Variants in CEP135 observed in about 807,000 individuals in gnomAD.
CEP135 encodes centrosomal protein 135.
CEP135 carries 142 observed loss-of-function variants against 157.3 expected under a neutral mutation model. That is an observed-to-expected ratio of 0.90 (90% CI 0.79 to 1.04). The LOEUF (loss-of-function observed/expected upper bound fraction) is 1.04, where lower values mean the gene tolerates loss of function less well. Among genes scored for constraint, CEP135 ranks in the 50% least tolerant of loss-of-function variants. The probability of loss-of-function intolerance (pLI) is 0.00; values close to 1 mark genes in which losing one functional copy is unlikely to be tolerated. For synonymous variants in CEP135, 396 were observed against 439.8 expected (o/e 0.90, Z 1.25); for missense variants, 1,317 against 1,309.2 (o/e 1.01, Z -0.09).
chr4:55,983,149 T>C (rs566833850), intron 13 of CEP135, among the ~76,000 whole-genome samples: 219 of 152,314 alleles, frequency 1.4e-3, no homozygotes, highest in Non-Finnish European at 2.6e-3. Context: ...CTTATAAAAA[T>C]AAGTGTTAAA....
chr4:55,950,464 G>A (rs1728329794), intron 1 of CEP135, among the ~76,000 whole-genome samples: 4 of 152,224 alleles, frequency 2.6e-5, no homozygotes, highest in African/African-American at 4.8e-5. Flanking sequence ...AGTTAGCAAA[G>A]GTTAGAAAAG....
chr4:55,952,536 CT>C lies in CEP135; in HGVS notation c.113+302del, dbSNP rs75650503. The C allele has an allele frequency of 2.2e-3, 500 of 225,298 alleles. 2 individuals carry two copies. The highest frequency in any genetic ancestry group is 6.0e-3 in the African/African-American group (267 of 44,246). The allele number at this position is 225,298 out of a possible 1,614,324, so 14.0% of individuals were successfully genotyped here. A position where few individuals can be genotyped will look rare whatever the true frequency, so the allele number is the denominator to read the frequency against. On this transcript the variant is annotated intron_variant, in intron 2 of 25. Coordinates refer to ENST00000257287, the MANE Select transcript of CEP135 (RefSeq NM_025009.5). ...TTGAGAGACACTTTTCCCTTAAGTTCTTTTTTTTTCCCCCCCTTAAGTTCTA... is the reference window on the plus strand; with the variant it reads ...TTGAGAGACACTTTTCCCTTAAGTTCTTTTTTTTCCCCCCCTTAAGTTCTA...
At chr4:55,971,621 G>A (rs1163589534) in intron 10 of CEP135, among the ~76,000 whole-genome samples, 1 of 151,636 alleles carries the variant, frequency 6.6e-6, no homozygotes, top group African/African-American at 2.4e-5. Context: ...TATACAGGGA[G>A]CCCTGCTTGA....
chr4:56,013,176 G>A (rs893146343), intron 21 of CEP135, among the ~76,000 whole-genome samples: 2 of 152,050 alleles, frequency 1.3e-5, no homozygotes, highest in African/African-American at 2.4e-5. Context: ...GTTTATTGAC[G>A]ATTTGTGTAT....
In CEP135 at chr4:55,950,930, G is replaced by T. The variant is rs190861638; in HGVS notation, c.-45-1156G>T. On this transcript the variant is annotated intron_variant, in intron 1 of 25. Transcript: ENST00000257287. ...CTTAACTCTTAACGGGCAATCTGCA[G>T]CCCGCCTCACCTCCCCAGACAACTC... 6.4e-4 allele frequency among the ~76,000 whole-genome samples: 98 copies of T among 152,268 alleles called. 2 individuals are homozygous for T. The highest frequency in any genetic ancestry group is 2.3e-3 in the African/African-American group (96 of 41,552).
chr4:55,966,253 T>G lies in CEP135; in HGVS notation c.1044+394T>G, dbSNP rs190192956. ...TGTCTCCCAGGCTGGAGTGCAATGG[T>G]GTGATCTCGGCTCACTGCAACCCCC... is the stretch of plus-strand genomic sequence containing the variant. On this transcript the variant is annotated intron_variant, in intron 8 of 25. Transcript: ENST00000257287. 494 of 174,772 alleles carry G rather than the reference T, an allele frequency of 2.8e-3. 1 individual carries two copies. Among genetic ancestry groups the G allele is most frequent in the African/African-American group, 0.012 (481 of 41,202 alleles). 10.8% of individuals were successfully genotyped at this position (174,772 alleles called of 1,614,324 possible).
intron 17 of CEP135, among the ~76,000 whole-genome samples, chr4:56,001,686 A>C (rs1443298734): frequency 6.6e-6 from 1 of 151,920 alleles, no homozygotes; most frequent in Non-Finnish European, 1.5e-5. Flanking sequence ...AGTTAGTGCG[A>C]TCTCCAGCTT....
Position 56,024,615 on chromosome 4 carries a change from G to A in CEP135, c.*11+1G>A. ...ATAGAAATGTGTAATTATCAGAAAGGTATGTATGTAACACCAAGGACAGGC... is the reference window on the plus strand; with the variant it reads ...ATAGAAATGTGTAATTATCAGAAAGATATGTATGTAACACCAAGGACAGGC... On this transcript the variant is annotated splice_donor_variant, in intron 25 of 25. Transcript: ENST00000257287. LOFTEE classifies it low-confidence loss of function (3UTR_SPLICE). 1 of 1,574,062 alleles carries A rather than the reference G, an allele frequency of 6.4e-7. No homozygotes were observed. The highest frequency in any genetic ancestry group is 1.1e-5 in the South Asian group (1 of 90,140).
chr4:55,993,270 A>C (rs1049549335), intron 15 of CEP135, among the ~76,000 whole-genome samples: 1 of 152,234 alleles, frequency 6.6e-6, no homozygotes, highest in African/African-American at 2.4e-5. Context: ...TAGGAATCAC[A>C]AAAGTATATA....
chr4:55,980,045 C>G, intron 11 of CEP135, 98 bp from the exon 12 acceptor site: 1 of 1,016,654 alleles, frequency 9.8e-7, no homozygotes, highest in South Asian at 1.4e-5. Context: ...CACTTGTGTT[C>G]TTTTTGTCTG....
chr4:55,980,134 A>G lies in CEP135; in HGVS notation c.1474-9A>G. On this transcript the variant is annotated splice_polypyrimidine_tract_variant and intron_variant, in intron 11 of 25. Coordinates refer to ENST00000257287, the MANE Select transcript of CEP135 (RefSeq NM_025009.5). ...GATGATTATATTTTGTTTTTTAATT[A>G]TGTTTCAGGGTGATTACAATTCAGA... 2 of 1,598,916 alleles carry G rather than the reference A, an allele frequency of 1.3e-6. No homozygotes were observed. The highest frequency in any genetic ancestry group is 1.7e-6 in the Non-Finnish European group (2 of 1,172,902).
chr4:56,030,929 GT>G (rs1472944561), intron 25 of CEP135, among the ~76,000 whole-genome samples: 2 of 152,280 alleles, frequency 1.3e-5, no homozygotes, highest in East Asian at 3.9e-4. Flanking sequence ...GATCACTTGA[GT>G]TCAGGAGTCT....
chr4:56,016,158 C>T (rs1016045987), intron 21 of CEP135, among the ~76,000 whole-genome samples: 1 of 152,092 alleles, frequency 6.6e-6, no homozygotes, highest in South Asian at 2.1e-4. Context: ...AGTGAGTGAA[C>T]ACCAAGCACT....
intron 15 of CEP135, among the ~76,000 whole-genome samples, chr4:55,997,416 A>G (rs1730011692): frequency 2.0e-5 from 3 of 152,156 alleles, no homozygotes; most frequent in African/African-American, 4.8e-5. Context: ...ACCCTGCTTT[A>G]TGAAGTTAGA....
At chr4:55,969,448 A>T (rs1261008178) in intron 9 of CEP135, among the ~76,000 whole-genome samples, 1 of 143,100 alleles carries the variant, frequency 7.0e-6, no homozygotes, top group Non-Finnish European at 1.5e-5. Flanking sequence ...AAAAAAAAAA[A>T]GAAAAGAAAA....
Position 55,954,301 on chromosome 4 carries a change from G to T in CEP135, c.390G>T (p.Leu130=). The change falls in exon 4 of 26, where the codon CTG becomes CTT. Residue 130 remains leucine, a synonymous_variant. Transcript: ENST00000257287. The stretch of plus-strand genomic sequence containing the variant: ...ACCAATATGCTCATAAACTCAAACT[G>T]TTGGAGAAAGAGAGCAAAGCTAAGA... The part of the protein sequence containing the change: ...LNNQYAHKLK[L]LEKESKAKNE... 6.2e-7 allele frequency: 1 copy of T among 1,611,862 alleles called. No individual in the cohort carries two copies. Among genetic ancestry groups the T allele is most frequent in the Non-Finnish European group, 8.5e-7 (1 of 1,179,058 alleles).
At chr4:55,978,938 A>G (rs1729310881) in intron 11 of CEP135, among the ~76,000 whole-genome samples, 1 of 152,246 alleles carries the variant, frequency 6.6e-6, no homozygotes, top group African/African-American at 2.4e-5. Context: ...CTGCTTTTGT[A>G]CTATAAAATA....
At chr4:56,004,958 T>G (rs1730304205) in intron 17 of CEP135, among the ~76,000 whole-genome samples, 1 of 150,314 alleles carries the variant, frequency 6.7e-6, no homozygotes, top group South Asian at 2.1e-4. Flanking sequence ...TCTTTTCTAG[T>G]TGTTTTATAA....
In CEP135 at chr4:56,017,783, C is replaced by T; in HGVS notation, c.2938C>T (p.Leu980Phe). Reference protein sequence around the residue: ...VLNDLSSLRELCIKLDSGKDI... With the variant: ...VLNDLSSLREFCIKLDSGKDI... The stretch of plus-strand genomic sequence containing the variant: ...AAATGACTTGTCATCTCTTAGAGAA[C>T]TTTGCATTAAACTTGATTCAGGCAA... Residue 980 changes from leucine to phenylalanine, a missense_variant, in exon 22 of 26, where the codon CTT (leucine) becomes TTT (phenylalanine). Leu to Phe is a conservative substitution (Grantham distance 22). Coordinates refer to ENST00000257287, the MANE Select transcript of CEP135 (RefSeq NM_025009.5). 2 of 1,613,900 alleles carry T rather than the reference C, an allele frequency of 1.2e-6. No homozygotes were observed. The highest frequency in any genetic ancestry group is 1.7e-6 in the Non-Finnish European group (2 of 1,179,998).
Sources: allele counts gnomAD v4.1 joint callset (sites outside exome capture counted in the v4.1 genomes callset), GRCh38; gene constraint gnomAD v4.1.1; transcripts MANE v1.5; gene names NCBI Gene and HGNC (gene_info 2026-07-23, HGNC 2026-07-21).